Variants in GALNT13 observed in about 807,000 individuals in gnomAD.
GALNT13 encodes polypeptide N-acetylgalactosaminyltransferase 13.
In GALNT13, 28 loss-of-function variants were observed where a neutral mutation model predicts 64.2. The ratio of observed to expected loss-of-function variants is 0.44; its 90% CI spans 0.32 to 0.60. The LOEUF is 0.60. GALNT13 is among the 20% of genes least tolerant of loss of function. GALNT13 has a pLI of 0.05. For missense variants in GALNT13, 577 were observed against 669.8 expected, an observed-to-expected ratio of 0.86 and a Z score of 1.53; for synonymous variants, 214 against 224.6, an observed-to-expected ratio of 0.95 and a Z score of 0.42.
chr2:154,134,379 G>A (rs1682828376), intron 3 of GALNT13, among the ~76,000 whole-genome samples: 1 of 152,136 alleles, frequency 6.6e-6, no homozygotes, highest in African/African-American at 2.4e-5. Context: ...GAAATATACA[G>A]AAAGTCAAAG....
At chr2:154,344,275 T>C (rs1327451854) in intron 9 of GALNT13, among the ~76,000 whole-genome samples, 1 of 152,052 alleles carries the variant, frequency 6.6e-6, no homozygotes, top group African/African-American at 2.4e-5. Context: ...AGATCTTGCC[T>C]GTTGACTCGC....
At chr2:153,832,950 A>G in the GALNT13 span, among the ~76,000 whole-genome samples, 1 of 152,200 alleles carries the variant, frequency 6.6e-6, no homozygotes, top group Non-Finnish European at 1.5e-5. Context: ...TTTGCTTTCC[A>G]TGGCTTCAAT....
the GALNT13 span, among the ~76,000 whole-genome samples, chr2:153,469,520 T>C: frequency 6.6e-6 from 1 of 152,094 alleles, no homozygotes; most frequent in African/African-American, 2.4e-5. Context: ...GCAAAGCAGC[T>C]GCAAACCCAA....
chr2:153,818,588 T>C, the GALNT13 span, among the ~76,000 whole-genome samples: 3 of 152,166 alleles, frequency 2.0e-5, no homozygotes, highest in Non-Finnish European at 4.4e-5. Context: ...GCCGGAACAC[T>C]GTGGTCAGTC....
At chr2:153,278,392 T>C in the GALNT13 span, among the ~76,000 whole-genome samples, 1 of 152,196 alleles carries the variant, frequency 6.6e-6, no homozygotes, top group Non-Finnish European at 1.5e-5. Flanking sequence ...TTGTTGCAAT[T>C]GCTTTTGAGG....
the GALNT13 span, among the ~76,000 whole-genome samples, chr2:153,392,069 T>C: frequency 6.7e-6 from 1 of 148,512 alleles, no homozygotes; most frequent in African/African-American, 2.4e-5. Flanking sequence ...TATATATTTA[T>C]ATAAAATGTG....
At chr2:153,351,234 A>G in the GALNT13 span, among the ~76,000 whole-genome samples, 1 of 152,178 alleles carries the variant, frequency 6.6e-6, no homozygotes, top group South Asian at 2.1e-4. Context: ...TTTTTAGTTA[A>G]TTTGTCTAGG....
intron 4 of GALNT13, among the ~76,000 whole-genome samples, chr2:154,176,340 T>A (rs1685651945): frequency 6.6e-6 from 1 of 151,326 alleles, no homozygotes; most frequent in Admixed American, 6.6e-5. Flanking sequence ...AGTGGCGCGA[T>A]CTTGGCTCAC....
the GALNT13 span, among the ~76,000 whole-genome samples, chr2:153,183,239 C>CT: frequency 1.3e-5 from 2 of 152,264 alleles, no homozygotes; most frequent in East Asian, 3.9e-4. Flanking sequence ...TAATGTTAAA[C>CT]TTTTTTGTCA....
intron 4 of GALNT13, among the ~76,000 whole-genome samples, chr2:154,220,532 A>G (rs1688269044): frequency 6.6e-6 from 1 of 152,136 alleles, no homozygotes; most frequent in Non-Finnish European, 1.5e-5. Flanking sequence ...TCTTAAAAAT[A>G]CATGTGCACA....
chr2:154,014,902 A>T (rs192634349), intron 3 of GALNT13, among the ~76,000 whole-genome samples: 173 of 151,996 alleles, frequency 1.1e-3, no homozygotes, highest in African/African-American at 4.0e-3. Context: ...AAGTGCTGGG[A>T]TTTATAGGCG....
the GALNT13 span, among the ~76,000 whole-genome samples, chr2:153,754,922 A>G: frequency 2.0e-5 from 3 of 152,254 alleles, no homozygotes; most frequent in East Asian, 5.8e-4. Context: ...TGCTCCCTCC[A>G]TGGGTGGATG....
intron 9 of GALNT13, among the ~76,000 whole-genome samples, chr2:154,377,042 G>A (rs557990295): frequency 6.6e-6 from 1 of 152,204 alleles, no homozygotes; most frequent in South Asian, 2.1e-4. Flanking sequence ...GATCTACCTA[G>A]TTCAGATATA....
the GALNT13 span, among the ~76,000 whole-genome samples, chr2:153,441,405 T>G: frequency 0.022 from 3,286 of 152,312 alleles, 108 homozygotes; most frequent in African/African-American, 0.074. Flanking sequence ...TTGTTCTTTT[T>G]ACTTACTATT....
At chr2:154,358,082 G>C (rs1389477444) in intron 9 of GALNT13, among the ~76,000 whole-genome samples, 1 of 151,882 alleles carries the variant, frequency 6.6e-6, no homozygotes. Context: ...GTTGCTTATG[G>C]AACACTCAAC....
chr2:153,424,200 A>G, the GALNT13 span, among the ~76,000 whole-genome samples: 26 of 151,022 alleles, frequency 1.7e-4, no homozygotes, highest in Non-Finnish European at 3.4e-4. Context: ...GATCAAATAT[A>G]TCCTTACTTT....
the GALNT13 span, among the ~76,000 whole-genome samples, chr2:153,649,594 G>A: frequency 2.0e-5 from 3 of 151,160 alleles, no homozygotes; most frequent in Admixed American, 6.6e-5. Flanking sequence ...TTTCTCTTGT[G>A]GGCATTTAGT....
chr2:153,351,457 G>A, the GALNT13 span, among the ~76,000 whole-genome samples: 1 of 152,094 alleles, frequency 6.6e-6, no homozygotes, highest in African/African-American at 2.4e-5. Flanking sequence ...AGGAACCTAC[G>A]TTGACACATC....
At chr2:154,356,385 T>C (rs570874122) in intron 9 of GALNT13, among the ~76,000 whole-genome samples, 48 of 152,126 alleles carry the variant, frequency 3.2e-4, no homozygotes, top group South Asian at 8.3e-4. Context: ...ATTTTAGTTA[T>C]GAGAAATCTA....
Sources: gnomAD v4.1 joint callset for allele counts (sites outside exome capture counted in the v4.1 genomes callset) on GRCh38, gnomAD v4.1.1 for gene constraint, MANE v1.5 for transcripts, NCBI Gene and HGNC (gene_info 2026-07-23, HGNC 2026-07-21) for gene names.